USP4: variants seen among roughly 807,000 people sequenced by gnomAD.
USP4 encodes the protein ubiquitin carboxyl-terminal hydrolase 4.
In USP4, 72 loss-of-function variants were observed where a neutral mutation model predicts 118.2. That is an observed-to-expected ratio of 0.61 (90% confidence interval 0.50 to 0.74). The LOEUF (loss-of-function observed/expected upper bound fraction) is 0.74. Among genes scored for constraint, USP4 ranks in the 30% least tolerant of loss-of-function variants. USP4 has a pLI of 0.00. For synonymous variants in USP4, 415 were observed against 440.4 expected (o/e 0.94, Z 0.72); for missense variants, 1,037 against 1,185.7 (o/e 0.87, Z 1.84).
intron 11 of USP4, 48 bp downstream of exon 11, chr3:49,300,419 G>C: frequency 6.4e-7 from 1 of 1,564,822 alleles, no homozygotes; most frequent in Non-Finnish European, 8.8e-7. Flanking sequence ...ACTGGGATCT[G>C]GAGACCACTT....
intron 1 of USP4, among the ~76,000 whole-genome samples, chr3:49,338,424 C>T (rs191490176): frequency 1.4e-4 from 21 of 152,048 alleles, no homozygotes; most frequent in Non-Finnish European, 2.8e-4. Flanking sequence ...CTTTGGGAGG[C>T]CACAGCGGGC....
At position 49,280,723 on chromosome 3, in the gene USP4, G is replaced by A. The variant is rs1252886763; in HGVS notation, c.2644+21C>T. 1.9e-6 allele frequency: 3 copies of A among 1,593,674 alleles called. No individual in the cohort carries two copies. The Admixed American group carries it at 5.0e-5, about 27-fold the overall frequency. ...CGAGCACATTTCAACATCTCAGAAG[G>A]AAGCAGATGTCAATACTTACAGTGG... is the stretch of plus-strand genomic sequence containing the variant. On this transcript the variant is annotated intron_variant, in intron 20 of 21. Coordinates refer to ENST00000265560, the MANE Select transcript of USP4 (RefSeq NM_003363.4).
chr3:49,297,969 G>A lies in USP4; in HGVS notation c.1597-5C>T, dbSNP rs763291844. ...ATACACATCTGCGACCACCATCTAAGAATGAACAGTAACAGAAAGACCACA... is the reference window on the plus strand; with the variant it reads ...ATACACATCTGCGACCACCATCTAAAAATGAACAGTAACAGAAAGACCACA... On this transcript the variant is annotated splice_polypyrimidine_tract_variant and splice_region_variant and intron_variant, in intron 12 of 21. Transcript: ENST00000265560. The A allele has an allele frequency of 3.7e-6, 6 of 1,602,296 alleles. 1 individual carries two copies. The highest frequency in any genetic ancestry group is 1.3e-5 in the African/African-American group (1 of 74,654).
chr3:49,314,329 C>T (rs901881820), intron 6 of USP4, among the ~76,000 whole-genome samples: 4 of 152,190 alleles, frequency 2.6e-5, no homozygotes, highest in Non-Finnish European at 5.9e-5. Context: ...CTCACCTTCC[C>T]ATAAGGAAAT....
At chr3:49,323,803 A>G (rs1575618627) in intron 6 of USP4, among the ~76,000 whole-genome samples, 1 of 152,284 alleles carries the variant, frequency 6.6e-6, no homozygotes, top group East Asian at 1.9e-4. Flanking sequence ...CAAAACTTAT[A>G]CCATAACGAA....
intron 15 of USP4, among the ~76,000 whole-genome samples, chr3:49,292,010 T>C (rs2047156932): frequency 6.6e-6 from 1 of 152,006 alleles, no homozygotes; most frequent in African/African-American, 2.4e-5. Context: ...GGTTTCACTG[T>C]GTTAGCCAGA....
intron 15 of USP4, among the ~76,000 whole-genome samples, chr3:49,291,806 C>T (rs201661708): frequency 6.6e-6 from 1 of 151,476 alleles, no homozygotes; most frequent in East Asian, 2.0e-4. Flanking sequence ...TGGCAAGACC[C>T]CTGGTCCTTT....
At chr3:49,282,305 C>T (rs368523361) in intron 19 of USP4, among the ~76,000 whole-genome samples, 21 of 151,824 alleles carry the variant, frequency 1.4e-4, no homozygotes, top group South Asian at 1.2e-3. Context: ...GACGGAGTCT[C>T]GCTGTGTCGT....
chr3:49,312,130 C>G (rs1450576643), intron 6 of USP4: 2 of 208,096 alleles, frequency 9.6e-6, no homozygotes, highest in South Asian at 1.3e-4. Context: ...TTGAGACCAG[C>G]CTGACCAACA....
chr3:49,339,847 A>T, intron 1 of USP4, 77 bp downstream of exon 1: 1 of 1,222,766 alleles, frequency 8.2e-7, no homozygotes, highest in Non-Finnish European at 1.2e-6. Context: ...CCCAGCCCCT[A>T]CTCTAGCCGA....
intron 19 of USP4, among the ~76,000 whole-genome samples, chr3:49,282,928 C>T (rs535383452): frequency 4.7e-5 from 7 of 149,018 alleles, no homozygotes; most frequent in African/African-American, 1.0e-4. Flanking sequence ...GGCTACTCTC[C>T]GGCTCCTGAT....
At chr3:49,336,494 G>T (rs939187556) in intron 1 of USP4, among the ~76,000 whole-genome samples, 1 of 150,584 alleles carries the variant, frequency 6.6e-6, no homozygotes, top group East Asian at 2.0e-4. Context: ...CTTTTCATGG[G>T]TAAAATCATG....
At chr3:49,284,980 G>C in intron 16 of USP4, 61 bp from the exon 17 acceptor site, 2 of 1,346,910 alleles carry the variant, frequency 1.5e-6, no homozygotes, top group Admixed American at 3.7e-5. Context: ...GGCTCTCCAA[G>C]TGACAGGAGT....
In USP4 at chr3:49,286,252, T is replaced by A; in HGVS notation, c.2046A>T (p.Glu682Asp). Residue 682 changes from glutamate to aspartate, a missense_variant, in exon 16 of 22, where the codon GAA becomes GAT. By Grantham distance (45) the Glu-to-Asp change is conservative. Coordinates refer to ENST00000265560, the MANE Select transcript of USP4 (RefSeq NM_003363.4). ...CACTGGGGTCATTTCCTGGCTCATC[T>A]TCCCCACTGCCTTCTGTTTCTGAAA... Reference protein sequence around the residue: ...EQLSETEGSGEDEPGNDPSET... With the variant: ...EQLSETEGSGDDEPGNDPSET... 6.2e-7 allele frequency: 1 copy of A among 1,614,202 alleles called. No individual in the cohort carries two copies. Among genetic ancestry groups the A allele is most frequent in the Non-Finnish European group, 8.5e-7 (1 of 1,180,030 alleles).
intron 8 of USP4, among the ~76,000 whole-genome samples, chr3:49,309,540 G>A (rs2047358073): frequency 6.6e-6 from 1 of 151,112 alleles, no homozygotes; most frequent in African/African-American, 2.4e-5. Flanking sequence ...ACAGGTGTGA[G>A]CCATTGCGCC....
In USP4 at chr3:49,298,591, G is replaced by A. The variant is rs754653902; in HGVS notation, c.1557C>T (p.Cys519=). 8 of 1,614,024 alleles carry A rather than the reference G, an allele frequency of 5.0e-6. No individual in the cohort carries two copies. The highest frequency in any genetic ancestry group is 3.3e-5 in the Admixed American group (2 of 59,980). The change falls in exon 12 of 22, where the codon TGC becomes TGT. Residue 519 remains cysteine, a synonymous_variant. Transcript: ENST00000265560. The stretch of plus-strand genomic sequence containing the variant: ...TGCCAGACAGCCTGGAGAGAGCCTC[G>A]CACAGGTCGGACACAGCCCCCATCA... ...VPLMGAVSDL[C]EALSRLSGIA...
chr3:49,278,039 C>T lies in USP4; in HGVS notation c.*254G>A, dbSNP rs924293725. ...TACTCCATTGAGTACCCCCATCCCA[C>T]CCCCTTTTCAGCTTCACAGGTTTCA... On this transcript the variant is annotated 3_prime_UTR_variant, in exon 22 of 22. Coordinates refer to ENST00000265560, the MANE Select transcript of USP4 (RefSeq NM_003363.4). The T allele has an allele frequency of 4.0e-6, 2 of 504,980 alleles. No homozygotes were observed. The highest frequency in any genetic ancestry group is 5.2e-4 in the Middle Eastern group (1 of 1,924). The allele number at this position is 504,980 out of a possible 1,614,324, so 31.3% of individuals were successfully genotyped here. A position where few individuals can be genotyped will look rare whatever the true frequency, so the allele number is the denominator to read the frequency against.
At chr3:49,300,338 C>T in intron 11 of USP4, 129 bp downstream of exon 11, 1 of 742,576 alleles carries the variant, frequency 1.3e-6, no homozygotes, top group Non-Finnish European at 2.3e-6. Flanking sequence ...CTGATGGAGG[C>T]CAAGGGCCCA....
chr3:49,330,361 T>C (rs2047603181), intron 2 of USP4, among the ~76,000 whole-genome samples: 1 of 151,746 alleles, frequency 6.6e-6, no homozygotes, highest in African/African-American at 2.4e-5. Flanking sequence ...ACAGTCTCGC[T>C]GTGTCCCCCA....
Sources: gnomAD v4.1 joint callset for allele counts (sites outside exome capture counted in the v4.1 genomes callset) on GRCh38, gnomAD v4.1.1 for gene constraint, MANE v1.5 for transcripts, NCBI Gene and HGNC (gene_info 2026-07-23, HGNC 2026-07-21) for gene names.